LRP1B: variants seen among roughly 807,000 people sequenced by gnomAD.
The protein encoded by LRP1B is LDL receptor related protein 1B, also known as low-density lipoprotein receptor-related protein 1B.
Under a neutral mutation model 556.6 loss-of-function variants are expected in LRP1B, and 217 were observed. The observed-to-expected ratio is 0.39, with a 90% CI of 0.35 to 0.44. The LOEUF (loss-of-function observed/expected upper bound fraction) is 0.44. LRP1B is among the 20% of genes least tolerant of loss of function. The pLI, the probability that LRP1B is intolerant of heterozygous loss-of-function variation, is 1.00. For synonymous variants in LRP1B, 2,047 were observed against 1,865.8 expected (o/e 1.10, Z -2.50); for missense variants, 5,053 against 5,620.8 (o/e 0.90, Z 3.23).
intron 3 of LRP1B, among the ~76,000 whole-genome samples, chr2:141,259,788 G>A (rs1048597440): frequency 9.9e-5 from 15 of 152,160 alleles, no homozygotes; most frequent in African/African-American, 3.4e-4. Context: ...CTAAAATGGG[G>A]ATAATAATAG....
intron 66 of LRP1B, among the ~76,000 whole-genome samples, chr2:140,406,026 A>G (rs1684718244): frequency 6.6e-6 from 1 of 152,160 alleles, no homozygotes; most frequent in Admixed American, 6.5e-5. Context: ...GGGATGCAGC[A>G]ATGATTTAAC....
At chr2:142,030,362 A>C (rs886962708) in intron 1 of LRP1B, among the ~76,000 whole-genome samples, 12 of 151,938 alleles carry the variant, frequency 7.9e-5, no homozygotes, top group African/African-American at 2.9e-4. Flanking sequence ...GATGGTTGTA[A>C]TTTAAGTAAA....
chr2:141,500,244 C>T (rs192326095), intron 2 of LRP1B, among the ~76,000 whole-genome samples: 5 of 152,092 alleles, frequency 3.3e-5, no homozygotes, highest in African/African-American at 9.7e-5. Context: ...TCCCTGTAAG[C>T]CCAAATCCCT....
intron 41 of LRP1B, among the ~76,000 whole-genome samples, chr2:140,667,833 G>A (rs1161462508): frequency 2.6e-5 from 4 of 152,062 alleles, no homozygotes; most frequent in African/African-American, 9.7e-5. Context: ...TTACGAACTT[G>A]GCTAATTCTC....
chr2:141,427,975 T>G (rs10195875), intron 3 of LRP1B, among the ~76,000 whole-genome samples: 69,674 of 151,860 alleles, frequency 0.46, 16,140 homozygotes, highest in South Asian at 0.6. Context: ...ACTAGAAATG[T>G]TATATTTCAG....
intron 3 of LRP1B, among the ~76,000 whole-genome samples, chr2:141,268,858 C>G (rs1054865828): frequency 1.3e-5 from 2 of 152,146 alleles, no homozygotes; most frequent in Non-Finnish European, 2.9e-5. Context: ...AGGGTAGAAG[C>G]TCTATCCCAG....
intron 11 of LRP1B, among the ~76,000 whole-genome samples, chr2:141,036,869 A>T (rs1469159185): frequency 6.6e-6 from 1 of 151,726 alleles, no homozygotes; most frequent in Non-Finnish European, 1.5e-5. Context: ...AAAAAAAAAG[A>T]CAATTGCTGC....
chr2:142,128,320 A>AT (rs1559086396), intron 1 of LRP1B, among the ~76,000 whole-genome samples: 1 of 152,138 alleles, frequency 6.6e-6, no homozygotes, highest in East Asian at 1.9e-4. Flanking sequence ...GTGAATTCTC[A>AT]TTTTTTGTCA....
intron 7 of LRP1B, among the ~76,000 whole-genome samples, chr2:141,137,543 G>A (rs747667466): frequency 2.6e-5 from 4 of 151,914 alleles, no homozygotes; most frequent in Non-Finnish European, 4.4e-5. Flanking sequence ...ACTGTGAAAT[G>A]CCTAACCTGA....
intron 35 of LRP1B, among the ~76,000 whole-genome samples, chr2:140,753,675 C>G (rs1383786052): frequency 6.6e-6 from 1 of 152,168 alleles, no homozygotes; most frequent in Non-Finnish European, 1.5e-5. Context: ...GGCACTTGCA[C>G]TAAATACTAT....
At chr2:141,090,751 G>A (rs907733181) in intron 7 of LRP1B, among the ~76,000 whole-genome samples, 3 of 152,156 alleles carry the variant, frequency 2.0e-5, no homozygotes, top group Non-Finnish European at 2.9e-5. Context: ...ATGTTTTGAA[G>A]CTGCTTCTCA....
intron 2 of LRP1B, among the ~76,000 whole-genome samples, chr2:141,798,468 G>A (rs114550115): frequency 0.011 from 1,624 of 152,082 alleles, 34 homozygotes; most frequent in African/African-American, 0.038. Context: ...AGCACTTCTG[G>A]GGGGCCGAGG....
At chr2:140,283,618 A>G (rs985274536) in intron 84 of LRP1B, among the ~76,000 whole-genome samples, 1 of 151,886 alleles carries the variant, frequency 6.6e-6, no homozygotes, top group African/African-American at 2.4e-5. Context: ...ATTATCAAAA[A>G]TTTGATTTGA....
chr2:140,346,211 G>T (rs1573824403), intron 77 of LRP1B, among the ~76,000 whole-genome samples: 1 of 151,480 alleles, frequency 6.6e-6, no homozygotes, highest in African/African-American at 2.4e-5. Flanking sequence ...ATTTTGGCTG[G>T]TTCCCCCTAA....
At chr2:142,082,410 G>T (rs1255076094) in intron 1 of LRP1B, among the ~76,000 whole-genome samples, 1 of 152,110 alleles carries the variant, frequency 6.6e-6, no homozygotes, top group Non-Finnish European at 1.5e-5. Context: ...ATTGGGGAGA[G>T]AATTCTGATT....
chr2:141,024,536 A>G (rs1698163412), intron 11 of LRP1B, among the ~76,000 whole-genome samples: 1 of 152,026 alleles, frequency 6.6e-6, no homozygotes, highest in Admixed American at 6.6e-5. Flanking sequence ...TCTTTGATAC[A>G]ATGAAGACAT....
intron 21 of LRP1B, among the ~76,000 whole-genome samples, chr2:140,918,955 C>T (rs890204216): frequency 6.6e-6 from 1 of 151,966 alleles, no homozygotes; most frequent in Non-Finnish European, 1.5e-5. Context: ...TCCACCTTTT[C>T]CTATTGCAAC....
intron 1 of LRP1B, among the ~76,000 whole-genome samples, chr2:142,112,056 C>T (rs932691864): frequency 1.3e-5 from 2 of 151,960 alleles, no homozygotes; most frequent in Non-Finnish European, 2.9e-5. Flanking sequence ...CATCAAGGTG[C>T]CTTTCCATCT....
chr2:140,750,016 A>G (rs11685066), intron 35 of LRP1B, among the ~76,000 whole-genome samples: 69,726 of 151,856 alleles, frequency 0.46, 17,390 homozygotes, highest in Non-Finnish European at 0.57. Context: ...ACCTTTGTGT[A>G]TGTTGTCCAT....
Sources: allele counts gnomAD v4.1 joint callset (sites outside exome capture counted in the v4.1 genomes callset), GRCh38; gene constraint gnomAD v4.1.1; transcripts MANE v1.5; gene names NCBI Gene and HGNC (gene_info 2026-07-23, HGNC 2026-07-21).